The following NOTCH2NLR variants were observed in gnomAD, a reference collection of about 807,000 sequenced individuals.
NOTCH2NLR encodes the protein notch 2 N-terminal like R, also known as notch 2 N-terminal like R (pseudogene).
A neutral mutation model predicts 35.6 loss-of-function variants in NOTCH2NLR; 33 were observed. The observed-to-expected ratio is 0.93, with a 90% CI of 0.70 to 1.24. NOTCH2NLR has a LOEUF of 1.24. Among genes scored for constraint, NOTCH2NLR ranks in the 50% most tolerant of loss-of-function variants. The pLI is 0.00. For synonymous variants in NOTCH2NLR, 103 were observed against 141.0 expected, an observed-to-expected ratio of 0.73 and a Z score of 1.91; for missense variants, 276 against 362.2, an observed-to-expected ratio of 0.76 and a Z score of 1.93.
In NOTCH2NLR at chr1:120,777,724, GCTT is replaced by G. The variant is rs1214486061; in HGVS notation, c.156-7244_156-7242del. Among the ~76,000 whole-genome samples the G allele has an allele frequency of 2.3e-5, 2 of 87,562 alleles. 1 individual carries two copies. The highest frequency in any genetic ancestry group is 1.6e-4 in the African/African-American group (2 of 12,162). 57.4% of individuals were successfully genotyped at this position (87,562 alleles called of 152,430 possible). Reference sequence around the variant, plus strand: ...GAATGGCAAGAAGTAGTATGACAGAGCTTCTTCTCTTTTTTTCCCCTCTTTACC... The same window carrying G: ...GAATGGCAAGAAGTAGTATGACAGAGCTTCTCTTTTTTTCCCCTCTTTACC... On this transcript the variant is annotated intron_variant, in intron 2 of 4. Coordinates refer to ENST00000624419, the Ensembl canonical transcript of NOTCH2NLR.
At chr1:120,729,542 G>A (rs1156457536) in intron 1 of NOTCH2NLR, among the ~76,000 whole-genome samples, 77 of 112,268 alleles carry the variant, frequency 6.9e-4, no homozygotes, top group Middle Eastern at 3.8e-3. Context: ...ATGCTTGTCT[G>A]TAGACTTTAC....
At chr1:120,781,995 CT>C (rs1651368219) in intron 2 of NOTCH2NLR, among the ~76,000 whole-genome samples, 2 of 99,956 alleles carry the variant, frequency 2.0e-5, no homozygotes, top group African/African-American at 6.5e-5. Context: ...TAGTTAAGTA[CT>C]TAGAAAATAT....
intron 1 of NOTCH2NLR, among the ~76,000 whole-genome samples, chr1:120,755,883 T>G (rs1319546619): frequency 2.4e-5 from 2 of 83,784 alleles, no homozygotes; most frequent in South Asian, 7.0e-4. Flanking sequence ...AAAGAGCACA[T>G]AAATCCTTGG....
At position 120,733,179 on chromosome 1, in the gene NOTCH2NLR, CATAAT is replaced by C. The variant is rs1650882735; in HGVS notation, c.73+8933_73+8937del. ...ACATATATATATATATGCACACACA[CATAAT>C]ATACTATTGTCAACACTAGGTTTTA... On this transcript the variant is annotated intron_variant, in intron 1 of 4. Transcript: ENST00000624419. 2.8e-5 allele frequency among the ~76,000 whole-genome samples: 3 copies of C among 106,412 alleles called. 1 individual carries two copies. The highest frequency in any genetic ancestry group is 5.2e-5 in the Non-Finnish European group (3 of 57,838). The allele number at this position is 106,412 out of a possible 152,430, so 69.8% of individuals were successfully genotyped here.
intron 1 of NOTCH2NLR, among the ~76,000 whole-genome samples, chr1:120,743,880 T>A (rs1459232796): frequency 8.5e-6 from 1 of 117,722 alleles, no homozygotes; most frequent in East Asian, 2.3e-4. Context: ...AGAGTGGTTG[T>A]TTCAGAGAGT....
intron 1 of NOTCH2NLR, among the ~76,000 whole-genome samples, chr1:120,724,776 G>C (rs1650800019): frequency 9.0e-6 from 1 of 111,430 alleles, no homozygotes; most frequent in East Asian, 2.2e-4. Flanking sequence ...ATGGGGACGG[G>C]GTTTTGCGGC....
chr1:120,724,401 C>T (rs1330800679), intron 1 of NOTCH2NLR, among the ~76,000 whole-genome samples, 151 bp downstream of exon 1: 2 of 120,370 alleles, frequency 1.7e-5, no homozygotes, highest in Non-Finnish European at 3.3e-5. Flanking sequence ...AGAGTTTGGA[C>T]ATCGCCGGGG....
intron 2 of NOTCH2NLR, among the ~76,000 whole-genome samples, chr1:120,764,424 AT>A (rs1207390685): frequency 2.2e-5 from 2 of 92,876 alleles, no homozygotes; most frequent in African/African-American, 1.4e-4. Flanking sequence ...TTATATTCAT[AT>A]TTTTTTCTAG....
rs1191008852 is a variant in NOTCH2NLR at position 120,793,181 on chromosome 1, G to A, written c.436G>A (p.Asp146Asn). The A allele has an allele frequency of 3.2e-5, 46 of 1,439,012 alleles. 14 individuals carry two copies. Among genetic ancestry groups the A allele is most frequent in the East Asian group, 1.2e-4 (5 of 42,630 alleles). The allele number at this position is 1,439,012 out of a possible 1,614,324, so 89.1% of individuals were successfully genotyped here. A position where few individuals can be genotyped will look rare whatever the true frequency, so the allele number is the denominator to read the frequency against. The change falls in exon 4 of 5, where the codon GAT (aspartate) becomes AAT (asparagine). Residue 146 changes from aspartate (D) to asparagine (N), a missense_variant. Coordinates refer to ENST00000624419, the Ensembl canonical transcript of NOTCH2NLR. ...TTTAGGTAAGGAGTGCCAATGGACC[G>A]ATGCCTGCCTGTCTCATCTCTGTGC...
Position 120,735,312 on chromosome 1 carries a change from G to A in NOTCH2NLR, c.73+11062G>A, listed in dbSNP as rs1412869200. On this transcript the variant is annotated intron_variant, in intron 1 of 4. Transcript: ENST00000624419. ...ACTCCTGACCTCAGTTGATCTGCCC[G>A]CCTCAGCCTCCCAAAGTGCTGGGAT... Among the ~76,000 whole-genome samples, 6 of 71,434 alleles carry A rather than the reference G, an allele frequency of 8.4e-5. 1 individual carries two copies. The highest frequency in any genetic ancestry group is 3.2e-4 in the East Asian group (1 of 3,112). 46.9% of individuals were successfully genotyped at this position (71,434 alleles called of 152,430 possible). A position where few individuals can be genotyped will look rare whatever the true frequency, so the allele number is the denominator to read the frequency against.
chr1:120,726,138 C>T (rs1650812400), intron 1 of NOTCH2NLR, among the ~76,000 whole-genome samples: 1 of 96,712 alleles, frequency 1.0e-5, no homozygotes, highest in East Asian at 2.4e-4. Flanking sequence ...ACACATAGGG[C>T]TTCTTTTATT....
Position 120,792,631 on chromosome 1 carries a change from A to T in NOTCH2NLR, c.416-530A>T, listed in dbSNP as rs1458167728. 5.6e-5 allele frequency among the ~76,000 whole-genome samples: 6 copies of T among 106,950 alleles called. 1 individual carries two copies. Among genetic ancestry groups the T allele is most frequent in the Non-Finnish European group, 1.1e-4 (6 of 55,168 alleles). 70.2% of individuals were successfully genotyped at this position (106,950 alleles called of 152,430 possible). ...ATTCTTCTGCCTCAGCCTTCCAAGT[A>T]GCTGGGATTACAGGTGCGCGCCACC... On this transcript the variant is annotated intron_variant, in intron 3 of 4. Coordinates refer to ENST00000624419, the Ensembl canonical transcript of NOTCH2NLR.
At chr1:120,730,645 C>G (rs1316072009) in intron 1 of NOTCH2NLR, among the ~76,000 whole-genome samples, 1 of 111,448 alleles carries the variant, frequency 9.0e-6, no homozygotes, top group East Asian at 2.2e-4. Flanking sequence ...ACATTGTGGT[C>G]TTAAAAAGGA....
intron 1 of NOTCH2NLR, among the ~76,000 whole-genome samples, chr1:120,755,698 AC>A (rs1331151446): frequency 1.1e-5 from 1 of 92,234 alleles, no homozygotes; most frequent in Non-Finnish European, 1.9e-5. Context: ...TATTAGTAAT[AC>A]AAAAAATATT....
At position 120,784,835 on chromosome 1, in the gene NOTCH2NLR, A is replaced by G. The variant is rs2101453803; in HGVS notation, c.156-139A>G. On this transcript the variant is annotated intron_variant, in intron 2 of 4. Transcript: ENST00000624419. ...CTAAGGACTCTTTCTTCTAAAGGGAAGCAGTTTTATAGGTGGTACTTGTAG... is the reference window on the plus strand; with the variant it reads ...CTAAGGACTCTTTCTTCTAAAGGGAGGCAGTTTTATAGGTGGTACTTGTAG... 9.5e-6 allele frequency: 9 copies of G among 948,204 alleles called. 1 individual carries two copies. The South Asian group carries it at 1.4e-4, about 14-fold the overall frequency. 58.7% of individuals were successfully genotyped at this position (948,204 alleles called of 1,614,324 possible). A position where few individuals can be genotyped will look rare whatever the true frequency, so the allele number is the denominator to read the frequency against.
intron 3 of NOTCH2NLR, among the ~76,000 whole-genome samples, chr1:120,792,588 G>A (rs1260248965): frequency 7.3e-5 from 8 of 108,986 alleles, no homozygotes; most frequent in Non-Finnish European, 1.1e-4. Flanking sequence ...TGCAACCTCC[G>A]CCTCCTGGGT....
At chr1:120,764,233 C>A (rs1156736978) in intron 2 of NOTCH2NLR, among the ~76,000 whole-genome samples, 4 of 113,758 alleles carry the variant, frequency 3.5e-5, no homozygotes, top group Non-Finnish European at 6.7e-5. Context: ...GGTGACAGAG[C>A]AAGACTCCGT....
chr1:120,727,047 A>G (rs1650822603), intron 1 of NOTCH2NLR, among the ~76,000 whole-genome samples: 1 of 109,658 alleles, frequency 9.1e-6, no homozygotes. Flanking sequence ...CAGAAATTCT[A>G]TTTTGCCCAC....
chr1:120,793,784 G>C, exon 5 of NOTCH2NLR: 2 of 1,028,782 alleles, frequency 1.9e-6, no homozygotes, highest in South Asian at 2.7e-5. Flanking sequence ...CTCTGGGAAA[G>C]AGACAGGCAA....
Sources: gnomAD v4.1 joint callset for allele counts (sites outside exome capture counted in the v4.1 genomes callset) on GRCh38, gnomAD v4.1.1 for gene constraint, MANE v1.5 for transcripts, NCBI Gene and HGNC (gene_info 2026-07-23, HGNC 2026-07-21) for gene names.